Variants in TSC22D1 observed in about 807,000 individuals in gnomAD.
TSC22D1 encodes the protein TSC22 domain family member 1, also known as TSC22 domain family protein 1.
A neutral mutation model predicts 74.2 loss-of-function variants in TSC22D1; 9 were observed. That is an observed-to-expected ratio of 0.12 (90% CI 0.07 to 0.21). The LOEUF is 0.21. Among genes scored for constraint, TSC22D1 ranks in the 10% least tolerant of loss-of-function variants. The pLI is 1.00. For missense variants in TSC22D1, 1,427 were observed against 1,304.7 expected, an observed-to-expected ratio of 1.09 and a Z score of -1.44; for synonymous variants, 586 against 492.5, an observed-to-expected ratio of 1.19 and a Z score of -2.51.
rs538402328 is a variant in TSC22D1, at chr13:44,437,023, G to A, written c.2913-928C>T. ...CCCCCATTCTCCAGATCCCGCTCGTGGGGTGGGCTGGCCTGGCGCGGGCCG... is the reference window on the plus strand; with the variant it reads ...CCCCCATTCTCCAGATCCCGCTCGTAGGGTGGGCTGGCCTGGCGCGGGCCG... On this transcript the variant is annotated intron_variant, in intron 1 of 2. Transcript: ENST00000458659. 6.4e-4 allele frequency: 626 copies of A among 978,016 alleles called. 1 individual carries two copies. Among genetic ancestry groups the A allele is most frequent in the Non-Finnish European group, 7.4e-4 (606 of 823,244 alleles). 60.6% of individuals were successfully genotyped at this position (978,016 alleles called of 1,614,324 possible). A position where few individuals can be genotyped will look rare whatever the true frequency, so the allele number is the denominator to read the frequency against.
chr13:44,468,812 C>G (rs545518626), intron 1 of TSC22D1, among the ~76,000 whole-genome samples: 1 of 149,808 alleles, frequency 6.7e-6, no homozygotes, highest in South Asian at 2.1e-4. Context: ...AAATAGTTTT[C>G]CTGTAGAAGA....
rs142918692 is a variant in TSC22D1, at chr13:44,491,221, A to G, written c.2913-55126T>C. ...AGAGAATGTGAAAAGGCATACCACA[A>G]ATGAGGCAATAATGTCGACAATATA... On this transcript the variant is annotated intron_variant, in intron 1 of 2. Transcript: ENST00000458659. Among the ~76,000 whole-genome samples, 204 of 151,972 alleles carry G rather than the reference A, an allele frequency of 1.3e-3. 4 individuals carry two copies. The East Asian group carries it at 0.037, about 28-fold the overall frequency.
chr13:44,554,146 A>G (rs7319249), intron 1 of TSC22D1, among the ~76,000 whole-genome samples: 25,260 of 152,206 alleles, frequency 0.17, 2,640 homozygotes, highest in African/African-American at 0.29. Flanking sequence ...AGCCAGGTGC[A>G]TTATATGCCT....
intron 1 of TSC22D1, among the ~76,000 whole-genome samples, chr13:44,470,545 T>C (rs1270968558): frequency 2.0e-5 from 3 of 152,214 alleles, no homozygotes; most frequent in Admixed American, 1.3e-4. Flanking sequence ...GTTAGATTTG[T>C]TTCTAATATT....
intron 1 of TSC22D1, among the ~76,000 whole-genome samples, chr13:44,558,638 G>A (rs1403839088): frequency 1.3e-5 from 2 of 152,138 alleles, no homozygotes; most frequent in Non-Finnish European, 2.9e-5. Context: ...TACTTAGGAG[G>A]CTGAGGCAGA....
rs1392031335 is a variant in TSC22D1 at position 44,432,834 on chromosome 13, C to G, written c.*1792G>C. The G allele has an allele frequency of 6.6e-6, 1 of 152,210 alleles. No individual in the cohort carries two copies. The highest frequency in any genetic ancestry group is 1.5e-5 in the Non-Finnish European group (1 of 68,060). The allele number at this position is 152,210 out of a possible 1,614,324, so 9.4% of individuals were successfully genotyped here. ...CCCACCCCATTCACTTGCTCGCTCA[C>G]GTTACTCCTACTGCAGAGTGGGATC... On this transcript the variant is annotated 3_prime_UTR_variant, in exon 3 of 3. Transcript: ENST00000458659.
intron 1 of TSC22D1, among the ~76,000 whole-genome samples, chr13:44,527,084 C>T (rs993666407): frequency 6.6e-6 from 1 of 151,878 alleles, no homozygotes; most frequent in South Asian, 2.1e-4. Flanking sequence ...TACAATTCTG[C>T]ATACAGCAAA....
chr13:44,570,988 C>T (rs1883725749), intron 1 of TSC22D1, among the ~76,000 whole-genome samples: 1 of 152,114 alleles, frequency 6.6e-6, no homozygotes, highest in South Asian at 2.1e-4. Context: ...CTTTTCTGAT[C>T]TTACAAGGTG....
chr13:44,538,102 C>T (rs1190155052), intron 1 of TSC22D1: 7 of 985,184 alleles, frequency 7.1e-6, no homozygotes, highest in South Asian at 4.7e-5. Flanking sequence ...TTCACACCTA[C>T]AGGCTTATTC....
chr13:44,453,519 T>C (rs1876326653), intron 1 of TSC22D1, among the ~76,000 whole-genome samples: 2 of 152,356 alleles, frequency 1.3e-5, no homozygotes, highest in South Asian at 2.1e-4. Context: ...ATAAAGCTTA[T>C]TTTCATTAAC....
intron 1 of TSC22D1, among the ~76,000 whole-genome samples, chr13:44,517,825 GTGTGTATATA>G (rs1326998687): frequency 5.2e-5 from 1 of 19,266 alleles, no homozygotes; most frequent in South Asian, 2.2e-3. Flanking sequence ...GTGTGTGTGT[GTGTGTATATA>G]TATATATATA....
rs1250692571 is a variant in TSC22D1, at chr13:44,574,589, C to T, written c.1486G>A (p.Val496Met). Residue 496 changes from valine to methionine, a missense_variant, in exon 1 of 3, where the codon GTG becomes ATG. Transcript: ENST00000458659. ...TGTTGTTGCTGCTGCTGCTGCTGCACCACCACAGTAGGGGCTCCCATCTCT... is the reference window on the plus strand; with the variant it reads ...TGTTGTTGCTGCTGCTGCTGCTGCATCACCACAGTAGGGGCTCCCATCTCT... ...SGEMGAPTVV[V>M]QQQQQQQQQQ... is the part of the protein sequence containing the mutation. 3 of 1,614,000 alleles carry T rather than the reference C, an allele frequency of 1.9e-6. No homozygotes were observed. The highest frequency in any genetic ancestry group is 2.5e-6 in the Non-Finnish European group (3 of 1,180,006).
chr13:44,461,326 T>C (rs543693781), intron 1 of TSC22D1, among the ~76,000 whole-genome samples: 1 of 152,230 alleles, frequency 6.6e-6, no homozygotes, highest in Non-Finnish European at 1.5e-5. Flanking sequence ...TAAATATTTA[T>C]TTAGTGCCTA....
In TSC22D1 at chr13:44,432,572, G is replaced by T. The variant is rs969143487; in HGVS notation, c.*2054C>A. On this transcript the variant is annotated 3_prime_UTR_variant, in exon 3 of 3. Transcript: ENST00000458659. Reference sequence around the variant, plus strand: ...CATCCATCATTTCAACAGGATGCCCGTGTCACCACTTTATAACACATGCAC... The same window carrying T: ...CATCCATCATTTCAACAGGATGCCCTTGTCACCACTTTATAACACATGCAC... The T allele has an allele frequency of 6.6e-6, 1 of 152,056 alleles. No homozygotes were observed. Among genetic ancestry groups the T allele is most frequent in the South Asian group, 2.1e-4 (1 of 4,824 alleles). The allele number at this position is 152,056 out of a possible 1,614,324, so 9.4% of individuals were successfully genotyped here.
At chr13:44,495,481 A>G (rs1878931243) in intron 1 of TSC22D1, among the ~76,000 whole-genome samples, 1 of 152,188 alleles carries the variant, frequency 6.6e-6, no homozygotes, top group African/African-American at 2.4e-5. Context: ...AATAAAGAAT[A>G]CTGGTAAAGG....
In TSC22D1 at chr13:44,434,421, T is replaced by C. The variant is rs3194465; in HGVS notation, c.*205A>G. 30 of 1,358,482 alleles carry C rather than the reference T, an allele frequency of 2.2e-5. No individual in the cohort carries two copies. The African/African-American group carries it at 3.9e-4, about 18-fold the overall frequency. The allele number at this position is 1,358,482 out of a possible 1,614,324, so 84.2% of individuals were successfully genotyped here. On this transcript the variant is annotated 3_prime_UTR_variant, in exon 3 of 3. Transcript: ENST00000458659. ...ATCCATGCTAATTCTCGGATTAACC[T>C]TTAATTCACCCAACTAAGAAATTTC...
intron 1 of TSC22D1, chr13:44,516,260 G>C: frequency 2.6e-6 from 1 of 391,886 alleles, no homozygotes; most frequent in Non-Finnish European, 4.9e-6. Context: ...GGGGGCACTA[G>C]AAATTGACGC....
At chr13:44,436,664 G>T in intron 1 of TSC22D1, 1 of 1,599,266 alleles carries the variant, frequency 6.3e-7, no homozygotes, top group South Asian at 1.1e-5. Flanking sequence ...TGGAAAAAAA[G>T]AGGGAACACC....
Position 44,432,272 on chromosome 13 carries a change from C to A in TSC22D1, c.*2354G>T, listed in dbSNP as rs529766055. The stretch of plus-strand genomic sequence containing the variant: ...AATAATGGAGAAAAAAACTTCTCCA[C>A]CATCTTAATACACTGACATGAGATT... On this transcript the variant is annotated 3_prime_UTR_variant, in exon 3 of 3. Transcript: ENST00000458659. The A allele has an allele frequency of 6.6e-6, 1 of 152,256 alleles. No individual in the cohort carries two copies. The highest frequency in any genetic ancestry group is 2.1e-4 in the South Asian group (1 of 4,820). The allele number at this position is 152,256 out of a possible 1,614,324, so 9.4% of individuals were successfully genotyped here.
Sources: allele counts gnomAD v4.1 joint callset (sites outside exome capture counted in the v4.1 genomes callset), GRCh38; gene constraint gnomAD v4.1.1; transcripts MANE v1.5; gene names NCBI Gene and HGNC (gene_info 2026-07-23, HGNC 2026-07-21).